Variants in NALF1 observed in about 807,000 individuals in gnomAD.
The protein encoded by NALF1 is NALCN channel auxiliary factor 1, also known as family with sequence similarity 155 member A.
Under a neutral mutation model 48.4 loss-of-function variants are expected in NALF1, and 3 were observed. The ratio of observed to expected loss-of-function variants is 0.06; its 90% CI spans 0.03 to 0.16. The LOEUF is 0.16. Among genes scored for constraint, NALF1 ranks in the 10% least tolerant of loss-of-function variants. The pLI is 1.00. For missense variants in NALF1, 526 were observed against 571.5 expected, an observed-to-expected ratio of 0.92 and a Z score of 0.81; for synonymous variants, 262 against 245.7, an observed-to-expected ratio of 1.07 and a Z score of -0.62.
At chr13:107,649,413 T>G (rs1880392581) in intron 1 of NALF1, among the ~76,000 whole-genome samples, 1 of 152,222 alleles carries the variant, frequency 6.6e-6, no homozygotes. Context: ...TATAATCTTT[T>G]TTTAAGATGT....
intron 1 of NALF1, among the ~76,000 whole-genome samples, chr13:107,258,427 C>T (rs1315609815): frequency 6.6e-6 from 1 of 152,144 alleles, no homozygotes; most frequent in Non-Finnish European, 1.5e-5. Context: ...ATATCCCGTT[C>T]CTGCAGCTAG....
chr13:107,175,525 T>C (rs1442721972), intron 2 of NALF1, among the ~76,000 whole-genome samples: 1 of 152,238 alleles, frequency 6.6e-6, no homozygotes, highest in Non-Finnish European at 1.5e-5. Context: ...TTTGGATTTA[T>C]GCCATAAAAC....
intron 2 of NALF1, among the ~76,000 whole-genome samples, chr13:107,177,763 T>C (rs1201893542): frequency 6.6e-6 from 1 of 152,126 alleles, no homozygotes; most frequent in Non-Finnish European, 1.5e-5. Context: ...TTTAAAGACT[T>C]AAGGGGCCAG....
chr13:107,448,921 C>A (rs1438105099), intron 1 of NALF1, among the ~76,000 whole-genome samples: 1 of 152,298 alleles, frequency 6.6e-6, no homozygotes, highest in Admixed American at 6.5e-5. Flanking sequence ...CCATGTAACT[C>A]TCCTGCAGAG....
At chr13:107,539,540 C>T (rs576692456) in intron 1 of NALF1, among the ~76,000 whole-genome samples, 37 of 152,222 alleles carry the variant, frequency 2.4e-4, no homozygotes, top group African/African-American at 8.2e-4. Flanking sequence ...AGAATGTTTG[C>T]TCAGTTCAAC....
Position 107,256,416 on chromosome 13 carries a change from T to C in NALF1, c.916-45661A>G, listed in dbSNP as rs777985290. On this transcript the variant is annotated intron_variant, in intron 1 of 2. Transcript: ENST00000375915. The stretch of plus-strand genomic sequence containing the variant: ...TATAGATCAGGGCTTGACTTATGAT[T>C]TTGTTGACCGTCTAATCTTTAAGTG... 5.7e-4 allele frequency among the ~76,000 whole-genome samples: 87 copies of C among 152,268 alleles called. 1 individual carries two copies. The highest frequency in any genetic ancestry group is 1.1e-3 in the Non-Finnish European group (72 of 68,024).
At chr13:107,768,895 T>C (rs1342688706) in intron 1 of NALF1, among the ~76,000 whole-genome samples, 2 of 152,010 alleles carry the variant, frequency 1.3e-5, no homozygotes, top group African/African-American at 4.8e-5. Flanking sequence ...GAACAGACAC[T>C]TCTCAAAAGA....
intron 1 of NALF1, among the ~76,000 whole-genome samples, chr13:107,459,086 T>C (rs1191043310): frequency 2.0e-5 from 3 of 151,898 alleles, no homozygotes; most frequent in Non-Finnish European, 4.4e-5. Context: ...TAAAACCTTC[T>C]GCTCTGTGAA....
At chr13:107,307,490 T>A (rs1179534061) in intron 1 of NALF1, among the ~76,000 whole-genome samples, 1 of 151,970 alleles carries the variant, frequency 6.6e-6, no homozygotes, top group Non-Finnish European at 1.5e-5. Context: ...TATTTTTATT[T>A]TTTTTTTGAG....
chr13:107,507,594 TAAAAAAAA>T (rs548709767), intron 1 of NALF1, among the ~76,000 whole-genome samples: 3,197 of 86,362 alleles, frequency 0.037, 92 homozygotes, highest in South Asian at 0.055. Context: ...TATTCTCCAT[TAAAAAAAA>T]AAAAAAAAAA....
rs894861740 is a variant in NALF1, at chr13:107,866,586, C to T, written c.11G>A (p.Gly4Asp). ...GTCATACTGCCGACACATCCAAGCACCCCTGGTCATATTTTGGGAACGCAC... is the reference window on the plus strand; with the variant it reads ...GTCATACTGCCGACACATCCAAGCATCCCTGGTCATATTTTGGGAACGCAC... MTR[G>D]AWMCRQYDDG... Residue 4 changes from glycine to aspartate, a missense_variant, in exon 1 of 3, where the codon GGT becomes GAT. Gly to Asp is a moderately conservative substitution (Grantham distance 94). Around this residue, in one of 2 missense-constraint regions of NALF1, gnomAD observed 373 missense variants for 355.5 expected, o/e 1.05. Transcript: ENST00000375915. This position sits in a 1 kb window ranked among gnomAD's most constrained non-coding sequence, Gnocchi z 4.4. The T allele has an allele frequency of 1.2e-6, 2 of 1,605,574 alleles. No individual in the cohort carries two copies. The highest frequency in any genetic ancestry group is 1.3e-5 in the African/African-American group (1 of 74,798).
chr13:107,647,767 T>C (rs1014502404), intron 1 of NALF1, among the ~76,000 whole-genome samples: 1 of 152,092 alleles, frequency 6.6e-6, no homozygotes, highest in Non-Finnish European at 1.5e-5. Flanking sequence ...TATGGGTGTA[T>C]AGTAAACATT....
intron 1 of NALF1, among the ~76,000 whole-genome samples, chr13:107,228,991 T>C (rs771481340): frequency 2.1e-4 from 32 of 152,068 alleles, no homozygotes; most frequent in Non-Finnish European, 2.5e-4. Flanking sequence ...TCAATCATTA[T>C]GGTTCTCTTC....
At chr13:107,482,928 G>C (rs978857468) in intron 1 of NALF1, among the ~76,000 whole-genome samples, 3 of 152,186 alleles carry the variant, frequency 2.0e-5, no homozygotes, top group Non-Finnish European at 4.4e-5. Context: ...TCAGCCCCAT[G>C]TAACTCTCCC....
At chr13:107,694,111 A>T (rs1161819463) in intron 1 of NALF1, among the ~76,000 whole-genome samples, 2 of 152,230 alleles carry the variant, frequency 1.3e-5, no homozygotes, top group African/African-American at 4.8e-5. Flanking sequence ...ATCGACCTGT[A>T]GCAGGAAGCA....
intron 1 of NALF1, among the ~76,000 whole-genome samples, chr13:107,286,886 G>T (rs1881505740): frequency 6.6e-6 from 1 of 152,178 alleles, no homozygotes; most frequent in South Asian, 2.1e-4. Context: ...GATGATTGCT[G>T]AAAGTTAGGA....
At chr13:107,269,913 A>ATTTTTTTTTTTTTTT (rs71121514) in intron 1 of NALF1, among the ~76,000 whole-genome samples, 6 of 89,048 alleles carry the variant, frequency 6.7e-5, no homozygotes, top group African/African-American at 1.4e-4. Context: ...CGCCCGGCTA[A>ATTTTTTTTTTTTTTT]TTTTTTTTTT....
At chr13:107,209,831 A>G (rs1879723251) in intron 2 of NALF1, among the ~76,000 whole-genome samples, 1 of 152,202 alleles carries the variant, frequency 6.6e-6, no homozygotes. Flanking sequence ...AAGAGAATGC[A>G]GAGCCACCAC....
At chr13:107,445,787 G>A (rs1203980824) in intron 1 of NALF1, among the ~76,000 whole-genome samples, 1 of 152,114 alleles carries the variant, frequency 6.6e-6, no homozygotes, top group East Asian at 1.9e-4. Context: ...AGTGTTATCT[G>A]TCTCTCCACA....
Sources: gnomAD v4.1 joint callset for allele counts (sites outside exome capture counted in the v4.1 genomes callset) on GRCh38, gnomAD v4.1.1 for gene constraint, gnomAD v4.1.1 regional missense constraint, Gnocchi (gnomAD v3.1) non-coding constraint, MANE v1.5 for transcripts, NCBI Gene and HGNC (gene_info 2026-07-23, HGNC 2026-07-21) for gene names.